Variants in KIAA1217 observed in about 807,000 individuals in gnomAD.
The protein encoded by KIAA1217 is sickle tail protein homolog.
A neutral mutation model predicts 163.9 loss-of-function variants in KIAA1217; 88 were observed. That is an observed-to-expected ratio of 0.54 (90% CI 0.45 to 0.64). The LOEUF (loss-of-function observed/expected upper bound fraction) is 0.64. Among genes scored for constraint, KIAA1217 ranks in the 30% least tolerant of loss-of-function variants. The pLI, the probability that KIAA1217 is intolerant of heterozygous loss-of-function variation, is 0.00. For synonymous variants in KIAA1217, 903 were observed against 923.1 expected, an observed-to-expected ratio of 0.98 and a Z score of 0.39; for missense variants, 2,372 against 2,475.0, an observed-to-expected ratio of 0.96 and a Z score of 0.88.
At chr10:24,298,520 G>A (rs546099539) in intron 2 of KIAA1217, among the ~76,000 whole-genome samples, 9 of 152,070 alleles carry the variant, frequency 5.9e-5, no homozygotes, top group African/African-American at 1.4e-4. Context: ...GTAGCGAGCC[G>A]GGCGCAGTGG....
chr10:23,979,254 C>T (rs1564582272), intron 1 of KIAA1217, among the ~76,000 whole-genome samples: 1 of 152,190 alleles, frequency 6.6e-6, no homozygotes, highest in African/African-American at 2.4e-5. Flanking sequence ...ATAAAAGTCA[C>T]GTTGCAGGTG....
intron 2 of KIAA1217, among the ~76,000 whole-genome samples, chr10:24,367,449 T>C (rs1490752244): frequency 6.6e-6 from 1 of 152,236 alleles, no homozygotes; most frequent in Non-Finnish European, 1.5e-5. Context: ...AAATATTTAA[T>C]TTGCTTTCCA....
intron 5 of KIAA1217, among the ~76,000 whole-genome samples, chr10:24,449,919 A>G (rs1017694320): frequency 2.4e-4 from 36 of 152,246 alleles, no homozygotes; most frequent in African/African-American, 7.5e-4. Context: ...CACACTGCCT[A>G]GAAGAAAACC....
chr10:23,839,398 T>C (rs1838659284), intron 1 of KIAA1217, among the ~76,000 whole-genome samples: 1 of 152,192 alleles, frequency 6.6e-6, no homozygotes, highest in African/African-American at 2.4e-5. Flanking sequence ...ATTTTTTTCC[T>C]GTTTCTCTTC....
chr10:23,803,760 C>A (rs1836595864), intron 1 of KIAA1217, among the ~76,000 whole-genome samples: 1 of 152,112 alleles, frequency 6.6e-6, no homozygotes, highest in Non-Finnish European at 1.5e-5. Flanking sequence ...CTATTAGTGC[C>A]TAGGTCTTTT....
Position 24,542,302 on chromosome 10 carries a change from T to C in KIAA1217, c.3535-391T>C, listed in dbSNP as rs145653993. 2.2e-3 allele frequency: 449 copies of C among 206,822 alleles called. 2 individuals carry two copies. Among genetic ancestry groups the C allele is most frequent in the African/African-American group, 9.8e-3 (426 of 43,654 alleles). The allele number at this position is 206,822 out of a possible 1,614,324, so 12.8% of individuals were successfully genotyped here. A position where few individuals can be genotyped will look rare whatever the true frequency, so the allele number is the denominator to read the frequency against. ...AACACAGTTTAGTGGCAGATCTTGA[T>C]TAGGATCAAAACTTTCTGTCAGCCC... On this transcript the variant is annotated intron_variant, in intron 17 of 20. Transcript: ENST00000376454.
At chr10:23,856,393 C>T (rs1349851790) in intron 1 of KIAA1217, among the ~76,000 whole-genome samples, 4 of 152,170 alleles carry the variant, frequency 2.6e-5, no homozygotes, top group East Asian at 1.9e-4. Flanking sequence ...GAAGAGTACC[C>T]GTCTGTGTGA....
chr10:23,750,229 A>G (rs1226847765), intron 1 of KIAA1217, among the ~76,000 whole-genome samples: 1 of 152,184 alleles, frequency 6.6e-6, no homozygotes, highest in Non-Finnish European at 1.5e-5. Flanking sequence ...CTTCTGCTTA[A>G]TGCCCTTCCA....
intron 2 of KIAA1217, among the ~76,000 whole-genome samples, chr10:24,132,416 T>G (rs759669764): frequency 9.2e-5 from 14 of 152,194 alleles, no homozygotes; most frequent in African/African-American, 3.1e-4. Context: ...AGACCAAGTG[T>G]GTCCATTTCA....
chr10:24,454,762 C>T (rs2061640314), intron 5 of KIAA1217, among the ~76,000 whole-genome samples: 1 of 151,690 alleles, frequency 6.6e-6, no homozygotes, highest in African/African-American at 2.4e-5. Flanking sequence ...GGGATCATGA[C>T]GGATACATCA....
intron 1 of KIAA1217, among the ~76,000 whole-genome samples, chr10:23,724,272 T>C (rs529476442): frequency 5.4e-4 from 78 of 143,490 alleles, no homozygotes; most frequent in African/African-American, 1.9e-3. Flanking sequence ...TTGCTTCTTA[T>C]GTATTTTTTT....
intron 5 of KIAA1217, among the ~76,000 whole-genome samples, chr10:24,457,279 G>T (rs1371835677): frequency 6.6e-6 from 1 of 152,042 alleles, no homozygotes; most frequent in Non-Finnish European, 1.5e-5. Context: ...CCTGCAGCTT[G>T]ATTCTTTTTG....
chr10:24,297,016 G>A (rs1378785026), intron 2 of KIAA1217, among the ~76,000 whole-genome samples: 1 of 152,180 alleles, frequency 6.6e-6, no homozygotes, highest in Non-Finnish European at 1.5e-5. Context: ...ACATGAGACT[G>A]TAATACACTG....
At chr10:24,544,957 C>G in intron 19 of KIAA1217, 24 bp from the exon 20 acceptor site, 2 of 1,609,722 alleles carry the variant, frequency 1.2e-6, no homozygotes, top group African/African-American at 1.3e-5. Flanking sequence ...CTTCTCTTCC[C>G]CCTCTCACTG....
At chr10:23,834,623 A>G (rs1051448207) in intron 1 of KIAA1217, among the ~76,000 whole-genome samples, 3 of 152,212 alleles carry the variant, frequency 2.0e-5, no homozygotes, top group Non-Finnish European at 2.9e-5. Flanking sequence ...AAATGATGAG[A>G]GAAATCTTCA....
intron 2 of KIAA1217, among the ~76,000 whole-genome samples, chr10:24,269,349 C>A (rs775572984): frequency 2.6e-5 from 4 of 151,748 alleles, no homozygotes; most frequent in African/African-American, 2.4e-5. Context: ...AGAGCAAGAT[C>A]CTTTCTCTAC....
chr10:23,733,188 T>C (rs1371056668), intron 1 of KIAA1217, among the ~76,000 whole-genome samples: 1 of 152,068 alleles, frequency 6.6e-6, no homozygotes, highest in Non-Finnish European at 1.5e-5. Flanking sequence ...TAATTTTGTA[T>C]TTTTAGTAGA....
Position 24,223,680 on chromosome 10 carries a change from G to A in KIAA1217, c.354+3771G>A, listed in dbSNP as rs370390960. On this transcript the variant is annotated intron_variant, in intron 2 of 20. Coordinates refer to ENST00000376454, the MANE Select transcript of KIAA1217 (RefSeq NM_019590.5). ...AGATGTTGAAAGTGATGTATCTGCC[G>A]TCTAACATGAAATCTCTTAAAATCT... 2.6e-4 allele frequency among the ~76,000 whole-genome samples: 39 copies of A among 150,900 alleles called. 2 individuals carry two copies. The highest frequency in any genetic ancestry group is 1.1e-3 in the Admixed American group (16 of 15,124).
intron 2 of KIAA1217, among the ~76,000 whole-genome samples, chr10:24,095,486 T>G (rs1444790669): frequency 1.3e-5 from 2 of 152,100 alleles, no homozygotes; most frequent in East Asian, 3.9e-4. Flanking sequence ...GAACACACCT[T>G]CTTCTCTTAA....
Sources: gnomAD v4.1 joint callset for allele counts (sites outside exome capture counted in the v4.1 genomes callset) on GRCh38, gnomAD v4.1.1 for gene constraint, MANE v1.5 for transcripts, NCBI Gene and HGNC (gene_info 2026-07-23, HGNC 2026-07-21) for gene names.